Variants in SMAD4 observed in about 807,000 individuals in gnomAD.
The protein encoded by SMAD4 is SMAD family member 4.
SMAD4 carries 7 observed loss-of-function variants against 63.2 expected under a neutral mutation model. That is an observed-to-expected ratio of 0.11 (90% CI 0.06 to 0.21). The LOEUF (loss-of-function observed/expected upper bound fraction) is 0.21, where lower values mean the gene tolerates loss of function less well. Among genes scored for constraint, SMAD4 ranks in the 10% least tolerant of loss-of-function variants. The probability of loss-of-function intolerance (pLI) is 1.00; values close to 1 mark genes in which losing one functional copy is unlikely to be tolerated. For synonymous variants in SMAD4, 215 were observed against 235.4 expected, an observed-to-expected ratio of 0.91 and a Z score of 0.79; for missense variants, 312 against 693.8, an observed-to-expected ratio of 0.45 and a Z score of 6.18.
Position 51,030,642 on chromosome 18 carries a change from C to A in SMAD4, c.-128+19C>A. ...AGCCCAGGTAACCGCGCCATGTCCC[C>A]TCCCCTTCCCCCGGCCGGGCCCGCG... On this transcript the variant is annotated intron_variant, in intron 1 of 11. Transcript: ENST00000342988. The A allele has an allele frequency of 6.7e-6, 1 of 150,196 alleles. No individual in the cohort carries two copies. The highest frequency in any genetic ancestry group is 1.9e-4 in the South Asian group (1 of 5,380). The allele number at this position is 150,196 out of a possible 1,614,324, so 9.3% of individuals were successfully genotyped here. A position where few individuals can be genotyped will look rare whatever the true frequency, so the allele number is the denominator to read the frequency against.
At chr18:51,055,502 A>G (rs531864105) in intron 5 of SMAD4, among the ~76,000 whole-genome samples, 10 of 151,486 alleles carry the variant, frequency 6.6e-5, no homozygotes, top group African/African-American at 1.9e-4. Context: ...GCTAACTTCT[A>G]TATCTCTTTT....
At chr18:51,069,911 A>G (rs900263753) in intron 10 of SMAD4, among the ~76,000 whole-genome samples, 3 of 152,136 alleles carry the variant, frequency 2.0e-5, no homozygotes, top group African/African-American at 7.2e-5. Flanking sequence ...AGTACCTCCT[A>G]TCTTTAGTCT....
At chr18:51,039,497 A>G (rs1043261101) in intron 1 of SMAD4, among the ~76,000 whole-genome samples, 4 of 91,292 alleles carry the variant, frequency 4.4e-5, no homozygotes, top group African/African-American at 1.6e-4. Context: ...CCACCCCCCC[A>G]CCCCCCCACC....
chr18:51,039,989 TTA>T, intron 1 of SMAD4, among the ~76,000 whole-genome samples: 1 of 152,294 alleles, frequency 6.6e-6, no homozygotes. Context: ...TGTCTAGGAT[TTA>T]GTCTTTAGCT....
Position 51,079,937 on chromosome 18 carries a change from TGGAC to T in SMAD4, c.*1471_*1474del, listed in dbSNP as rs1910568957. The T allele has an allele frequency of 4.3e-6, 1 of 232,356 alleles. No homozygotes were observed. The highest frequency in any genetic ancestry group is 5.6e-5 in the Admixed American group (1 of 17,750). The allele number at this position is 232,356 out of a possible 1,614,324, so 14.4% of individuals were successfully genotyped here. On this transcript the variant is annotated 3_prime_UTR_variant, in exon 12 of 12. Coordinates refer to ENST00000342988, the MANE Select transcript of SMAD4 (RefSeq NM_005359.6). The stretch of plus-strand genomic sequence containing the variant: ...CTCACACTCTACCGGGACTTCCCCA[TGGAC>T]ATTGTGTATCATGTGTAGAGTTGGT...
chr18:51,070,457 C>T (rs1242969151), intron 10 of SMAD4, among the ~76,000 whole-genome samples: 1 of 152,062 alleles, frequency 6.6e-6, no homozygotes, highest in East Asian at 1.9e-4. Context: ...AAAAAAATCT[C>T]ATTTGTGTAT....
intron 1 of SMAD4, among the ~76,000 whole-genome samples, chr18:51,042,083 A>T (rs1399897319): frequency 6.6e-6 from 1 of 152,060 alleles, no homozygotes. Context: ...AAATTTGTGG[A>T]TGGGTTTGGT....
intron 8 of SMAD4, among the ~76,000 whole-genome samples, chr18:51,063,688 T>C (rs1910078550): frequency 2.0e-5 from 3 of 152,170 alleles, no homozygotes; most frequent in Non-Finnish European, 2.9e-5. Flanking sequence ...GCTGGGATTA[T>C]AGGCATGAGC....
Position 51,034,937 on chromosome 18 carries a change from GGTT to G in SMAD4, c.-128+4316_-128+4318del, listed in dbSNP as rs1264153404. Among the ~76,000 whole-genome samples, 3 of 152,230 alleles carry G rather than the reference GGTT, an allele frequency of 2.0e-5. No individual in the cohort carries two copies. In the East Asian group the frequency reaches 5.8e-4, roughly 29 times the overall value. On this transcript the variant is annotated intron_variant, in intron 1 of 11. Coordinates refer to ENST00000342988, the MANE Select transcript of SMAD4 (RefSeq NM_005359.6). ...ATTCTAGCCCCAGAAATTATGATTT[GGTT>G]GGTCTAGGGTGCAGCCAGGTTAGCC...
At chr18:51,049,474 G>T in intron 4 of SMAD4, 150 bp downstream of exon 4, 1 of 662,412 alleles carries the variant, frequency 1.5e-6, no homozygotes, top group Non-Finnish European at 2.7e-6. Context: ...TTGAGGTTAG[G>T]GGCATTTAAA....
chr18:51,049,458 T>G, intron 4 of SMAD4, 134 bp downstream of exon 4: 1 of 729,168 alleles, frequency 1.4e-6, no homozygotes. Context: ...TTTGGAAATG[T>G]AGATTTTGAG....
rs1306780330 is a variant in SMAD4 at position 51,082,923 on chromosome 18, T to C, written c.*4456T>C. On this transcript the variant is annotated 3_prime_UTR_variant, in exon 12 of 12. Coordinates refer to ENST00000342988, the MANE Select transcript of SMAD4 (RefSeq NM_005359.6). Reference sequence around the variant, plus strand: ...CGTTCTTTAAAACACAAGTACAAACTCTGGGACAGGACCCAAGACACTTTC... The same window carrying C: ...CGTTCTTTAAAACACAAGTACAAACCCTGGGACAGGACCCAAGACACTTTC... The C allele has an allele frequency of 8.8e-6, 2 of 226,146 alleles. No homozygotes were observed. The highest frequency in any genetic ancestry group is 1.3e-4 in the East Asian group (2 of 15,790). The allele number at this position is 226,146 out of a possible 1,614,324, so 14.0% of individuals were successfully genotyped here. A position where few individuals can be genotyped will look rare whatever the true frequency, so the allele number is the denominator to read the frequency against.
intron 5 of SMAD4, among the ~76,000 whole-genome samples, chr18:51,056,616 T>G (rs1305632572): frequency 2.8e-4 from 24 of 84,448 alleles, no homozygotes; most frequent in Non-Finnish European, 4.0e-4. Flanking sequence ...CGAGACTCCA[T>G]CTCCAAAAAA....
chr18:51,062,175 G>A (rs1910030827), intron 8 of SMAD4, among the ~76,000 whole-genome samples: 2 of 152,122 alleles, frequency 1.3e-5, no homozygotes, highest in African/African-American at 2.4e-5. Flanking sequence ...CTTCTGTAAC[G>A]GATTTTCTGT....
intron 10 of SMAD4, among the ~76,000 whole-genome samples, chr18:51,073,388 T>TATATATACACACACACACAC (rs1417299090): frequency 1.6e-5 from 1 of 64,158 alleles, no homozygotes; most frequent in Non-Finnish European, 2.7e-5. Context: ...TATATATATA[T>TATATATACACACACACACAC]ACACACACAC....
intron 1 of SMAD4, among the ~76,000 whole-genome samples, chr18:51,036,705 T>C (rs1354839026): frequency 2.0e-5 from 3 of 152,226 alleles, no homozygotes; most frequent in Non-Finnish European, 4.4e-5. Context: ...CAATGCTTTG[T>C]AAAACTAACA....
chr18:51,075,383 G>C (rs1910446016), intron 10 of SMAD4, among the ~76,000 whole-genome samples: 2 of 152,072 alleles, frequency 1.3e-5, no homozygotes, highest in Admixed American at 6.5e-5. Flanking sequence ...ATTTATGCTT[G>C]CTTGTATTGG....
intron 1 of SMAD4, among the ~76,000 whole-genome samples, chr18:51,031,170 T>G (rs1909038769): frequency 6.6e-6 from 1 of 152,194 alleles, no homozygotes; most frequent in African/African-American, 2.4e-5. Flanking sequence ...AGCACCTAAC[T>G]GAACCCCTCC....
At chr18:51,070,744 A>G (rs1172692623) in intron 10 of SMAD4, among the ~76,000 whole-genome samples, 2 of 152,148 alleles carry the variant, frequency 1.3e-5, no homozygotes, top group Non-Finnish European at 2.9e-5. Context: ...CAGCATATCC[A>G]TGCTGTCTAC....
Sources: allele counts gnomAD v4.1 joint callset (sites outside exome capture counted in the v4.1 genomes callset), GRCh38; gene constraint gnomAD v4.1.1; transcripts MANE v1.5; gene names NCBI Gene and HGNC (gene_info 2026-07-23, HGNC 2026-07-21).